Variants in SLC4A10 observed in about 807,000 individuals in gnomAD.
SLC4A10 encodes sodium-driven chloride bicarbonate exchanger.
A neutral mutation model predicts 137.7 loss-of-function variants in SLC4A10; 42 were observed. The ratio of observed to expected loss-of-function variants is 0.30; its 90% CI spans 0.24 to 0.39. SLC4A10 has a LOEUF of 0.39. SLC4A10 is among the 10% of genes least tolerant of loss of function. The pLI is 1.00. For missense variants in SLC4A10, 925 were observed against 1,355.0 expected (o/e 0.68, Z 4.98); for synonymous variants, 474 against 464.1 (o/e 1.02, Z -0.27).
intron 1 of SLC4A10, among the ~76,000 whole-genome samples, chr2:161,630,214 C>T (rs965872445): frequency 1.3e-5 from 2 of 151,702 alleles, no homozygotes; most frequent in African/African-American, 4.8e-5. Flanking sequence ...GTTTTTTATA[C>T]GTTGTCGGAT....
chr2:161,825,046 CTTG>C (rs2125707851), intron 3 of SLC4A10, among the ~76,000 whole-genome samples: 2 of 152,188 alleles, frequency 1.3e-5, no homozygotes, highest in South Asian at 4.2e-4. Context: ...TTGTGATTTT[CTTG>C]TTTTCTCCAG....
At chr2:161,766,876 A>G (rs1170208238) in intron 1 of SLC4A10, among the ~76,000 whole-genome samples, 1 of 151,134 alleles carries the variant, frequency 6.6e-6, no homozygotes, top group Non-Finnish European at 1.5e-5. Context: ...TCTGATTGCA[A>G]ACACTTAGCC....
At chr2:161,890,869 C>A (rs927438110) in intron 10 of SLC4A10, among the ~76,000 whole-genome samples, 2 of 151,894 alleles carry the variant, frequency 1.3e-5, no homozygotes, top group Non-Finnish European at 2.9e-5. Context: ...TTAGTTGATT[C>A]CCTTCTGTTT....
intron 1 of SLC4A10, among the ~76,000 whole-genome samples, chr2:161,697,927 T>C (rs1186763006): frequency 6.6e-6 from 1 of 152,268 alleles, no homozygotes; most frequent in Non-Finnish European, 1.5e-5. Flanking sequence ...TATTGATTTT[T>C]CCTATCTATG....
At chr2:161,887,422 A>T (rs2062431265) in intron 10 of SLC4A10, among the ~76,000 whole-genome samples, 1 of 151,762 alleles carries the variant, frequency 6.6e-6, no homozygotes, top group South Asian at 2.1e-4. Flanking sequence ...ACTAATTTAC[A>T]CTTCCACCAA....
At chr2:161,754,389 GAAC>G (rs1196697157) in intron 1 of SLC4A10, among the ~76,000 whole-genome samples, 3 of 152,202 alleles carry the variant, frequency 2.0e-5, no homozygotes, top group Admixed American at 2.0e-4. Context: ...TAGGAACCAT[GAAC>G]AACAAAATTA....
chr2:161,780,378 A>G (rs1467312251), intron 2 of SLC4A10, among the ~76,000 whole-genome samples: 2 of 151,976 alleles, frequency 1.3e-5, no homozygotes, highest in Admixed American at 1.3e-4. Flanking sequence ...AACAAAAAGG[A>G]CAGTGAGACT....
At chr2:161,866,033 A>T (rs72881015) in intron 6 of SLC4A10, among the ~76,000 whole-genome samples, 9,215 of 152,108 alleles carry the variant, frequency 0.061, 368 homozygotes, top group East Asian at 0.13. Context: ...ACTTTAAAAC[A>T]GAACACATTT....
chr2:161,947,768 G>A (rs1694086190), intron 17 of SLC4A10, 41 bp downstream of exon 17: 1 of 1,580,128 alleles, frequency 6.3e-7, no homozygotes, highest in Non-Finnish European at 8.6e-7. Context: ...AAATAACATA[G>A]GACAAAAGAA....
intron 1 of SLC4A10, among the ~76,000 whole-genome samples, chr2:161,633,225 T>G (rs189251718): frequency 1.3e-5 from 2 of 151,696 alleles, no homozygotes; most frequent in African/African-American, 4.8e-5. Flanking sequence ...CCATTGTAGG[T>G]TGAGAAGCAT....
At chr2:161,891,861 T>C (rs2062960700) in intron 10 of SLC4A10, among the ~76,000 whole-genome samples, 2 of 152,034 alleles carry the variant, frequency 1.3e-5, no homozygotes. Context: ...TGTGATCCTT[T>C]GGAGGAGAAG....
At chr2:161,704,292 A>T (rs1403431259) in intron 1 of SLC4A10, among the ~76,000 whole-genome samples, 1 of 151,776 alleles carries the variant, frequency 6.6e-6, no homozygotes, top group African/African-American at 2.4e-5. Context: ...AAAGTGTGAA[A>T]GTAAACAATC....
intron 3 of SLC4A10, among the ~76,000 whole-genome samples, chr2:161,831,716 C>T (rs976467393): frequency 1.3e-5 from 2 of 151,874 alleles, no homozygotes; most frequent in Admixed American, 1.3e-4. Flanking sequence ...ATTCTTTTTT[C>T]CCCCCTCAAA....
intron 1 of SLC4A10, among the ~76,000 whole-genome samples, chr2:161,665,936 TTA>T (rs1006150161): frequency 1.2e-4 from 17 of 147,324 alleles, no homozygotes; most frequent in South Asian, 6.3e-4. Context: ...ATAGACTACA[TTA>T]TATATATATA....
intron 3 of SLC4A10, among the ~76,000 whole-genome samples, chr2:161,836,499 G>A (rs55742294): frequency 0.12 from 3,409 of 27,806 alleles, 218 homozygotes; most frequent in African/African-American, 0.28. Flanking sequence ...GAAAGAAAAG[G>A]AAGAAAAAGA....
intron 23 of SLC4A10, 92 bp from the exon 24 acceptor site, chr2:161,974,157 T>G: frequency 6.2e-5 from 65 of 1,044,244 alleles, no homozygotes; most frequent in Non-Finnish European, 7.8e-5. Context: ...TTGAGGTTAA[T>G]GAGATAATGA....
At chr2:161,837,242 A>T (rs1316319855) in intron 3 of SLC4A10, among the ~76,000 whole-genome samples, 1 of 152,210 alleles carries the variant, frequency 6.6e-6, no homozygotes, top group Non-Finnish European at 1.5e-5. Context: ...AATAATAAGT[A>T]AGTTTAATAA....
chr2:161,931,656 G>T (rs1441177829), intron 15 of SLC4A10, among the ~76,000 whole-genome samples: 1 of 152,166 alleles, frequency 6.6e-6, no homozygotes, highest in Non-Finnish European at 1.5e-5. Context: ...AATCAGTTGT[G>T]TCTTCAGTTT....
chr2:161,869,336 A>T (rs1949321), intron 6 of SLC4A10, among the ~76,000 whole-genome samples: 50,821 of 151,460 alleles, frequency 0.34, 10,737 homozygotes, highest in Non-Finnish European at 0.49. Flanking sequence ...TAATTTTGAA[A>T]TTTAATCCAT....
Sources: gnomAD v4.1 joint callset for allele counts (sites outside exome capture counted in the v4.1 genomes callset) on GRCh38, gnomAD v4.1.1 for gene constraint, MANE v1.5 for transcripts, NCBI Gene and HGNC (gene_info 2026-07-23, HGNC 2026-07-21) for gene names.